NLRP14: variants seen among roughly 807,000 people sequenced by gnomAD.
NLRP14 encodes the protein NLR family pyrin domain containing 14, also known as NACHT, LRR and PYD domains-containing protein 14.
In NLRP14, 105 loss-of-function variants were observed where a neutral mutation model predicts 94.7. The ratio of observed to expected loss-of-function variants is 1.11; its 90% CI spans 0.95 to 1.30. NLRP14 has a LOEUF of 1.30. Among genes scored for constraint, NLRP14 ranks in the 50% most tolerant of loss-of-function variants. The probability of loss-of-function intolerance (pLI) is 0.00; values close to 1 mark genes in which losing one functional copy is unlikely to be tolerated. For synonymous variants in NLRP14, 508 were observed against 459.9 expected, an observed-to-expected ratio of 1.10 and a Z score of -1.34; for missense variants, 1,362 against 1,254.1, an observed-to-expected ratio of 1.09 and a Z score of -1.30.
chr11:7,090,333 C>T, the NLRP14 span: 2 of 1,552,698 alleles, frequency 1.3e-6, no homozygotes, highest in South Asian at 2.4e-5. Context: ...AATCCCTTTT[C>T]AACGAAACTA....
At chr11:7,084,011 A>G in the NLRP14 span, among the ~76,000 whole-genome samples, 2 of 152,174 alleles carry the variant, frequency 1.3e-5, no homozygotes, top group Admixed American at 6.5e-5. Context: ...TTCCATCACT[A>G]TAAGGAAAAT....
intron 6 of NLRP14, among the ~76,000 whole-genome samples, chr11:7,052,877 C>T (rs190283463): frequency 5.7e-4 from 87 of 152,052 alleles, no homozygotes; most frequent in African/African-American, 1.8e-3. Context: ...GAGAATACAC[C>T]GTTTAAAACC....
chr11:7,043,106 G>C lies in NLRP14; in HGVS notation c.1080G>C (p.Glu360Asp). The C allele has an allele frequency of 6.2e-7, 1 of 1,614,162 alleles. No homozygotes were observed. Among genetic ancestry groups the C allele is most frequent in the Non-Finnish European group, 8.5e-7 (1 of 1,180,028 alleles). The change falls in exon 4 of 12, where the codon GAG (glutamate) becomes GAC (aspartate). Residue 360 changes from glutamate to aspartate, a missense_variant. Physicochemically the swap from Glu to Asp is conservative, Grantham distance 45 (BLOSUM62 2). Coordinates refer to ENST00000299481, the MANE Select transcript of NLRP14 (RefSeq NM_176822.4). The stretch of plus-strand genomic sequence containing the variant: ...TATTCAGTTCACTAAAAAGCAATGA[G>C]ATGCTGTTTAGCATGTGCCAAGTCC... ...MKVFSSLKSNEMLFSMCQVPL... is the reference protein window; with the variant it reads ...MKVFSSLKSNDMLFSMCQVPL...
the NLRP14 span, chr11:7,089,053 T>C: frequency 6.5e-7 from 1 of 1,550,340 alleles, no homozygotes; most frequent in Non-Finnish European, 8.8e-7. Flanking sequence ...ACGAGCGAGC[T>C]CGAAGGCTGC....
At chr11:7,028,183 A>G (rs1852041472) in intron 1 of NLRP14, among the ~76,000 whole-genome samples, 1 of 152,206 alleles carries the variant, frequency 6.6e-6, no homozygotes, top group Admixed American at 6.5e-5. Context: ...TCAATGTTTA[A>G]TAGGCATCCC....
chr11:7,080,656 A>G, the NLRP14 span, among the ~76,000 whole-genome samples: 1 of 152,344 alleles, frequency 6.6e-6, no homozygotes, highest in East Asian at 1.9e-4. Flanking sequence ...AATATGACAT[A>G]TCATACATAG....
Position 7,057,693 on chromosome 11 carries a change from C to T in NLRP14, c.2308C>T (p.Leu770=). The T allele has an allele frequency of 6.2e-7, 1 of 1,612,504 alleles. No homozygotes were observed. Among genetic ancestry groups the T allele is most frequent in the Non-Finnish European group, 8.5e-7 (1 of 1,178,792 alleles). Residue 770 remains leucine, a synonymous_variant, in exon 7 of 12, where the codon CTA becomes TTA. Coordinates refer to ENST00000299481, the MANE Select transcript of NLRP14 (RefSeq NM_176822.4). Reference sequence around the variant, plus strand: ...GTTTTCCAGGCTGGAATCTTGCAACCTAACTGTATTTTGTTGTCTAAATAT... The same window carrying T: ...GTTTTCCAGGCTGGAATCTTGCAACTTAACTGTATTTTGTTGTCTAAATAT... ...LQTLRLESCN[L]TVFCCLNISN...
chr11:7,034,462 C>T (rs528669040), intron 1 of NLRP14, among the ~76,000 whole-genome samples: 11 of 152,250 alleles, frequency 7.2e-5, no homozygotes, highest in African/African-American at 2.4e-4. Flanking sequence ...GCAAATGGTA[C>T]AGTTAGAAAC....
intron 10 of NLRP14, among the ~76,000 whole-genome samples, chr11:7,067,327 T>C (rs1480467870): frequency 6.6e-6 from 1 of 152,228 alleles, no homozygotes; most frequent in East Asian, 1.9e-4. Flanking sequence ...ATTCTTCCTA[T>C]CCATGAGCAT....
chr11:7,086,311 G>A, the NLRP14 span, among the ~76,000 whole-genome samples: 2 of 152,124 alleles, frequency 1.3e-5, no homozygotes, highest in South Asian at 4.1e-4. Flanking sequence ...CCGAGATTGA[G>A]CTAGTAATTG....
At chr11:7,053,469 T>TTATATATA (rs36002808) in intron 6 of NLRP14, among the ~76,000 whole-genome samples, 106 of 146,924 alleles carry the variant, frequency 7.2e-4, no homozygotes, top group African/African-American at 2.5e-3. Flanking sequence ...ATGATTTAAA[T>TTATATATA]TATATATATA....
In NLRP14 at chr11:7,057,697, C is replaced by A. The variant is rs1269909857; in HGVS notation, c.2312C>A (p.Thr771Asn). Residue 771 changes from threonine to asparagine, a missense_variant, in exon 7 of 12, where the codon ACT becomes AAT. By Grantham distance (65) the Thr-to-Asn change is moderately conservative. Coordinates refer to ENST00000299481, the MANE Select transcript of NLRP14 (RefSeq NM_176822.4). The stretch of plus-strand genomic sequence containing the variant: ...TCCAGGCTGGAATCTTGCAACCTAA[C>A]TGTATTTTGTTGTCTAAATATATCT... ...QTLRLESCNL[T>N]VFCCLNISNA... The A allele has an allele frequency of 2.5e-6, 4 of 1,612,466 alleles. No individual in the cohort carries two copies. Among genetic ancestry groups the A allele is most frequent in the Non-Finnish European group, 3.4e-6 (4 of 1,178,870 alleles).
At chr11:7,045,473 G>A (rs1481696158) in intron 4 of NLRP14, among the ~76,000 whole-genome samples, 3 of 152,116 alleles carry the variant, frequency 2.0e-5, no homozygotes, top group East Asian at 3.8e-4. Flanking sequence ...GGTGACCTCA[G>A]TCTCTTCTAT....
At chr11:7,037,028 G>C (rs2119592495) in intron 1 of NLRP14, among the ~76,000 whole-genome samples, 1 of 152,268 alleles carries the variant, frequency 6.6e-6, no homozygotes, top group South Asian at 2.1e-4. Flanking sequence ...TTTGTTACAG[G>C]AAAGACAAAG....
rs990765065 is a variant in NLRP14, at chr11:7,070,477, C to T, written c.3146+21C>T. 49 of 1,581,304 alleles carry T rather than the reference C, an allele frequency of 3.1e-5. No individual in the cohort carries two copies. In the Middle Eastern group the frequency reaches 5.0e-4, roughly 16 times the overall value. ...CTAGGGTAAGTCTCCATTGGCTTCT[C>T]AGGGGGAGCATTTCCTATAATGAGG... On this transcript the variant is annotated intron_variant, in intron 11 of 11. Transcript: ENST00000299481.
the NLRP14 span, among the ~76,000 whole-genome samples, chr11:7,087,378 G>C: frequency 6.6e-6 from 1 of 152,190 alleles, no homozygotes; most frequent in Non-Finnish European, 1.5e-5. Context: ...TTTAAGAGTA[G>C]CTGCCTGGTC....
intron 1 of NLRP14, among the ~76,000 whole-genome samples, chr11:7,021,626 G>GTATT (rs1268822297): frequency 3.3e-5 from 5 of 151,874 alleles, no homozygotes; most frequent in African/African-American, 9.7e-5. Context: ...AAATTGCAAT[G>GTATT]TATTTATTTA....
rs916235623 is a variant in NLRP14, at chr11:7,071,374, A to G, written c.*66A>G. The G allele has an allele frequency of 1.2e-5, 16 of 1,375,636 alleles. No homozygotes were observed. Among genetic ancestry groups the G allele is most frequent in the Non-Finnish European group, 1.6e-5 (16 of 986,600 alleles). The allele number at this position is 1,375,636 out of a possible 1,614,324, so 85.2% of individuals were successfully genotyped here. ...TACATACATACATAGATATATACCC[A>G]GACTTGGGTGCTTAGCTTCAGATAC... On this transcript the variant is annotated 3_prime_UTR_variant, in exon 12 of 12. Transcript: ENST00000299481.
chr11:7,059,990 C>G lies in NLRP14; in HGVS notation c.2730C>G (p.Asn910Lys), dbSNP rs550642072. 2.6e-5 allele frequency: 42 copies of G among 1,612,720 alleles called. No homozygotes were observed. Among genetic ancestry groups the G allele is most frequent in the Non-Finnish European group, 3.5e-5 (41 of 1,179,038 alleles). Residue 910 changes from asparagine to lysine, a missense_variant, in exon 9 of 12, where the codon AAC becomes AAG. Transcript: ENST00000299481. Reference protein sequence around the residue: ...KSLTHLDLGSNWLQDNGVKLL... With the variant: ...KSLTHLDLGSKWLQDNGVKLL... ...TGACGCATCTGGATCTAGGATCAAA[C>G]TGGCTACAAGACAATGGAGTGAAGC...
Sources: allele counts gnomAD v4.1 joint callset (sites outside exome capture counted in the v4.1 genomes callset), GRCh38; gene constraint gnomAD v4.1.1; transcripts MANE v1.5; gene names NCBI Gene and HGNC (gene_info 2026-07-23, HGNC 2026-07-21).